SRGAP2C: variants seen among roughly 807,000 people sequenced by gnomAD.
SRGAP2C encodes SLIT-ROBO Rho GTPase activating protein 2C, also known as SLIT-ROBO Rho GTPase-activating protein 2C.
SRGAP2C carries 15 observed loss-of-function variants against 25.1 expected under a neutral mutation model. The observed-to-expected ratio is 0.60, with a 90% CI of 0.40 to 0.92. The LOEUF is 0.92. Ranked by LOEUF, SRGAP2C falls within the 40% of genes least tolerant of loss-of-function variation. The pLI is 0.00. For synonymous variants in SRGAP2C, 44 were observed against 96.6 expected, an observed-to-expected ratio of 0.46 and a Z score of 3.19; for missense variants, 144 against 264.4, an observed-to-expected ratio of 0.54 and a Z score of 3.16.
At chr1:121,298,231 C>T (rs1657637889) in intron 3 of SRGAP2C, among the ~76,000 whole-genome samples, 1 of 151,250 alleles carries the variant, frequency 6.6e-6, no homozygotes, top group African/African-American at 2.4e-5. Context: ...TGGTGGGTTA[C>T]TTTTAGATCC....
chr1:121,285,683 G>A (rs1408614391), intron 3 of SRGAP2C, among the ~76,000 whole-genome samples: 1 of 143,764 alleles, frequency 7.0e-6, no homozygotes, highest in Admixed American at 7.1e-5. Context: ...AATGATTGCA[G>A]TATTTACTAT....
At chr1:121,345,738 G>A (rs1314603516) in intron 4 of SRGAP2C, among the ~76,000 whole-genome samples, 19 of 136,670 alleles carry the variant, frequency 1.4e-4, no homozygotes, top group African/African-American at 2.2e-4. Flanking sequence ...TGTAACCCCC[G>A]CCTCCCAGGT....
At chr1:121,294,312 CTTTG>C (rs1231447706) in intron 3 of SRGAP2C, among the ~76,000 whole-genome samples, 7 of 138,604 alleles carry the variant, frequency 5.1e-5, no homozygotes, top group African/African-American at 1.9e-4. Context: ...TGTTATTCTG[CTTTG>C]TTTAAGACAG....
At chr1:121,248,466 A>G (rs1656271589) in intron 2 of SRGAP2C, among the ~76,000 whole-genome samples, 1 of 117,416 alleles carries the variant, frequency 8.5e-6, no homozygotes, top group African/African-American at 3.5e-5. Flanking sequence ...TTTTTTTTTG[A>G]GACGGAGTCT....
chr1:121,324,428 C>A, intron 3 of SRGAP2C, 50 bp from the exon 4 acceptor site: 3 of 1,577,656 alleles, frequency 1.9e-6, no homozygotes, highest in Middle Eastern at 3.6e-4. Context: ...GTAGATGTTG[C>A]CCTGGCTGTG....
chr1:121,196,616 C>A (rs201570709), intron 2 of SRGAP2C, among the ~76,000 whole-genome samples: 1,724 of 67,144 alleles, frequency 0.026, 589 homozygotes, highest in African/African-American at 0.12. Flanking sequence ...GACCTTGCTG[C>A]AGTCACTCAA....
At chr1:121,314,059 A>C in intron 3 of SRGAP2C, among the ~76,000 whole-genome samples, 5 of 105,174 alleles carry the variant, frequency 4.8e-5, no homozygotes, top group Admixed American at 1.0e-4. Context: ...ACTTTCAGGT[A>C]CACCAATCAG....
chr1:121,316,717 TG>T (rs1461610902), intron 3 of SRGAP2C, among the ~76,000 whole-genome samples: 1 of 85,202 alleles, frequency 1.2e-5, no homozygotes, highest in Non-Finnish European at 2.4e-5. Flanking sequence ...ACCCTTGCTA[TG>T]GTGTTTTAGT....
intron 3 of SRGAP2C, among the ~76,000 whole-genome samples, chr1:121,295,509 A>G (rs1331194698): frequency 6.6e-6 from 1 of 151,816 alleles, no homozygotes; most frequent in Non-Finnish European, 1.5e-5. Context: ...CATGTGCCAG[A>G]CACATGCCAG....
chr1:121,312,701 GC>G (rs1657994056), intron 3 of SRGAP2C, among the ~76,000 whole-genome samples: 1 of 67,682 alleles, frequency 1.5e-5, no homozygotes, highest in African/African-American at 5.3e-5. Context: ...TCATTCAGGA[GC>G]AGGTTGTTCA....
chr1:121,336,229 T>C (rs1286245965), intron 4 of SRGAP2C, among the ~76,000 whole-genome samples: 2 of 151,588 alleles, frequency 1.3e-5, no homozygotes, highest in Non-Finnish European at 2.9e-5. Context: ...CTTTTAGTTT[T>C]ATCTGTTCAA....
At chr1:121,322,196 C>G (rs1279513800) in intron 3 of SRGAP2C, among the ~76,000 whole-genome samples, 1 of 148,566 alleles carries the variant, frequency 6.7e-6, no homozygotes. Flanking sequence ...AATGTAAAGT[C>G]TCATGAGATC....
At chr1:121,365,423 T>C (rs1451951951) in intron 5 of SRGAP2C, 68 bp downstream of exon 5, 1 of 453,020 alleles carries the variant, frequency 2.2e-6, no homozygotes, top group African/African-American at 3.7e-5. Flanking sequence ...CTTGCAGCCA[T>C]AGTACATCAG....
chr1:121,313,909 G>T (rs1658024060), intron 3 of SRGAP2C, among the ~76,000 whole-genome samples: 1 of 139,762 alleles, frequency 7.2e-6, no homozygotes, highest in Non-Finnish European at 1.5e-5. Context: ...GTGTCTTCGA[G>T]TTGCTCTTCT....
intron 2 of SRGAP2C, among the ~76,000 whole-genome samples, chr1:121,239,360 G>C (rs1168031954): frequency 7.2e-5 from 3 of 41,784 alleles, no homozygotes; most frequent in African/African-American, 1.2e-4. Flanking sequence ...TAAATAAATA[G>C]AGCTATGGGA....
At chr1:121,273,272 C>T (rs1553335617) in intron 2 of SRGAP2C, among the ~76,000 whole-genome samples, 1 of 97,556 alleles carries the variant, frequency 1.0e-5, no homozygotes, top group South Asian at 3.0e-4. Flanking sequence ...GGACAGTTTA[C>T]CTTTCCATAA....
At chr1:121,211,450 C>CAT (rs1655254079) in intron 2 of SRGAP2C, among the ~76,000 whole-genome samples, 1 of 145,414 alleles carries the variant, frequency 6.9e-6, no homozygotes, top group Non-Finnish European at 1.5e-5. Flanking sequence ...CACACACACA[C>CAT]ACACACACAC....
intron 2 of SRGAP2C, among the ~76,000 whole-genome samples, chr1:121,243,508 GTGT>G (rs1271544276): frequency 9.0e-6 from 1 of 111,640 alleles, no homozygotes; most frequent in African/African-American, 3.8e-5. Flanking sequence ...ATTTAGAGCA[GTGT>G]TGTTATTAAA....
intron 2 of SRGAP2C, among the ~76,000 whole-genome samples, chr1:121,195,256 A>T (rs1256014580): frequency 6.6e-6 from 1 of 152,078 alleles, no homozygotes; most frequent in African/African-American, 2.4e-5. Flanking sequence ...ACAAAAATAC[A>T]AAAATTAGTT....
Sources: gnomAD v4.1 joint callset for allele counts (sites outside exome capture counted in the v4.1 genomes callset) on GRCh38, gnomAD v4.1.1 for gene constraint, MANE v1.5 for transcripts, NCBI Gene and HGNC (gene_info 2026-07-23, HGNC 2026-07-21) for gene names.